The following DNAH2 variants were observed in gnomAD, a reference collection of about 807,000 sequenced individuals.
DNAH2 encodes the protein dynein axonemal heavy chain 2.
Under a neutral mutation model 523.5 loss-of-function variants are expected in DNAH2, and 323 were observed. The ratio of observed to expected loss-of-function variants is 0.62; its 90% confidence interval spans 0.56 to 0.68. The LOEUF (loss-of-function observed/expected upper bound fraction) is 0.68. Ranked by LOEUF, DNAH2 falls within the 30% of genes least tolerant of loss-of-function variation. The pLI is 0.00. For synonymous variants in DNAH2, 2,093 were observed against 2,177.4 expected, an observed-to-expected ratio of 0.96 and a Z score of 1.08; for missense variants, 4,907 against 5,701.5, an observed-to-expected ratio of 0.86 and a Z score of 4.49.
At position 7,778,422 on chromosome 17, in the gene DNAH2, G is replaced by A; in HGVS notation, c.5494G>A (p.Gly1832Ser). The part of the protein sequence containing the change: ...IYVIVVNCSE[G>S]LDYKSMGRMY... ...TGTCATTGTGGTCAACTGCTCTGAG[G>A]GCCTGGACTACAAGTCCATGGGCCG... is the stretch of plus-strand genomic sequence containing the variant. Residue 1832 changes from glycine to serine, a missense_variant, in exon 35 of 86, where the codon GGC (glycine) becomes AGC (serine). By Grantham distance (56) the Gly-to-Ser change is moderately conservative. This residue lies in a region of DNAH2 where 2,806 missense variants were observed against 3,190.8 expected (regional missense o/e 0.88). Coordinates refer to ENST00000572933, the MANE Select transcript of DNAH2 (RefSeq NM_020877.5). The A allele has an allele frequency of 1.2e-6, 2 of 1,614,190 alleles. No individual in the cohort carries two copies. The highest frequency in any genetic ancestry group is 8.5e-7 in the Non-Finnish European group (1 of 1,180,036).
At chr17:7,775,730 A>C (rs11653849) in intron 30 of DNAH2, among the ~76,000 whole-genome samples, 122,548 of 148,434 alleles carry the variant, frequency 0.83, 52,333 homozygotes, top group Non-Finnish European at 0.94. Flanking sequence ...AGAAAGTTCA[A>C]CTGGCTCCAT....
Position 7,780,240 on chromosome 17 carries a change from A to C in DNAH2, c.5806A>C (p.Ile1936Leu), listed in dbSNP as rs1488180780. 1 of 1,614,130 alleles carries C rather than the reference A, an allele frequency of 6.2e-7. No homozygotes were observed. Among genetic ancestry groups the C allele is most frequent in the Admixed American group, 1.7e-5 (1 of 60,004 alleles). ...IAMVVPDSTL[I>L]AEIILFGEGF... is the part of the protein sequence containing the mutation. ...CATGGTGGTGCCTGACTCCACCCTCATTGCAGAAATCATTCTCTTTGGAGA... is the reference window on the plus strand; with the variant it reads ...CATGGTGGTGCCTGACTCCACCCTCCTTGCAGAAATCATTCTCTTTGGAGA... The change falls in exon 37 of 86, where the codon ATT becomes CTT. Residue 1936 changes from isoleucine (I) to leucine (L), a missense_variant. By Grantham distance (5) the Ile-to-Leu change is conservative. Transcript: ENST00000572933. The surrounding 1 kb of genome is among the most constrained non-coding windows in gnomAD (Gnocchi z 4.4).
In DNAH2 at chr17:7,819,365, C is replaced by T. The variant is rs1291955297; in HGVS notation, c.10972C>T (p.Arg3658Cys). The change falls in exon 72 of 86, where the codon CGC becomes TGC. Residue 3658 changes from arginine to cysteine, a missense_variant. Transcript: ENST00000572933. ...KSHRSNKLED[R>C]IDYLNDYHTY... ...CCACCGCAGCAATAAGCTGGAGGAC[C>T]GCATTGACTACCTGAATGACTACCA... is the stretch of plus-strand genomic sequence containing the variant. 6.2e-6 allele frequency: 10 copies of T among 1,614,134 alleles called. No homozygotes were observed. Among genetic ancestry groups the T allele is most frequent in the Middle Eastern group, 1.6e-4 (1 of 6,084 alleles).
At chr17:7,829,172 G>A (rs958030683) in intron 77 of DNAH2, among the ~76,000 whole-genome samples, 3 of 152,012 alleles carry the variant, frequency 2.0e-5, no homozygotes, top group Admixed American at 1.3e-4. Flanking sequence ...GTGTCACCAC[G>A]CCTGGCTAAT....
Position 7,739,882 on chromosome 17 carries a change from C to G in DNAH2, c.1320C>G (p.Ala440=). Reference sequence around the variant, plus strand: ...ATAAAAATCTGCACACGCTGCGAGCCGTTCGCGGGGGTATCCTGGATGTCA... The same window carrying G: ...ATAAAAATCTGCACACGCTGCGAGCGGTTCGCGGGGGTATCCTGGATGTCA... ...IFHKNLHTLR[A]VRGGILDVKN... Residue 440 remains alanine (A), a synonymous_variant, in exon 9 of 86, where the codon GCC becomes GCG. Coordinates refer to ENST00000572933, the MANE Select transcript of DNAH2 (RefSeq NM_020877.5). 2 of 1,613,958 alleles carry G rather than the reference C, an allele frequency of 1.2e-6. No homozygotes were observed. Among genetic ancestry groups the G allele is most frequent in the Non-Finnish European group, 1.7e-6 (2 of 1,179,964 alleles).
chr17:7,774,755 C>T lies in DNAH2; in HGVS notation c.4502-4C>T. ...CAAATGTCATTCATCGCTCTTCTTC[C>T]CAGGCCTCCTGGACACATTGATAGA... On this transcript the variant is annotated splice_region_variant and splice_polypyrimidine_tract_variant and intron_variant, in intron 28 of 85. Transcript: ENST00000572933. 6.2e-7 allele frequency: 1 copy of T among 1,612,260 alleles called. No individual in the cohort carries two copies. The highest frequency in any genetic ancestry group is 8.5e-7 in the Non-Finnish European group (1 of 1,178,622).
At position 7,734,307 on chromosome 17, in the gene DNAH2, A is replaced by G. The variant is rs199882698; in HGVS notation, c.739+14A>G. On this transcript the variant is annotated intron_variant, in intron 6 of 85. Transcript: ENST00000572933. ...AACGGCTAGAGAGTGAGTGGCTGGC[A>G]CTGCTAGCATCACCTGGCGATCACA... 5.8e-4 allele frequency: 939 copies of G among 1,606,506 alleles called. 4 individuals carry two copies. In the African/African-American group the frequency reaches 0.01, roughly 18 times the overall value.
rs551559878 is a variant in DNAH2, at chr17:7,766,395, C to A, written c.3589C>A (p.Arg1197=). The A allele has an allele frequency of 7.4e-6, 12 of 1,613,958 alleles. No individual in the cohort carries two copies. In the South Asian group the frequency reaches 8.8e-5, roughly 12 times the overall value. ...AGTGCGGGCCATGCTGATGGCCATG[C>A]GGGAAGAGGAAAATAGTCTCCGAGC... is the stretch of plus-strand genomic sequence containing the variant. The part of the protein sequence containing the change: ...TQVRAMLMAM[R]EEENSLRANL... Residue 1197 remains arginine (R), a synonymous_variant, in exon 22 of 86, where the codon CGG becomes AGG. Coordinates refer to ENST00000572933, the MANE Select transcript of DNAH2 (RefSeq NM_020877.5).
rs2075971475 is a variant in DNAH2 at position 7,760,370 on chromosome 17, A to G, written c.2786-370A>G. 6.6e-6 allele frequency among the ~76,000 whole-genome samples: 1 copy of G among 151,160 alleles called. No homozygotes were observed. The highest frequency in any genetic ancestry group is 6.6e-5 in the Admixed American group (1 of 15,160). ...AGTGAGACTCCATCTAAAAAAAAAA[A>G]CAAAAACAGGGGGGCCAGACTGGGG... On this transcript the variant is annotated intron_variant, in intron 17 of 85. Coordinates refer to ENST00000572933, the MANE Select transcript of DNAH2 (RefSeq NM_020877.5). This position sits in a 1 kb window ranked among gnomAD's most constrained non-coding sequence, Gnocchi z 4.0.
In DNAH2 at chr17:7,760,237, G is replaced by A. The variant is rs1381115969; in HGVS notation, c.2785+299G>A. Among the ~76,000 whole-genome samples the A allele has an allele frequency of 4.6e-5, 7 of 152,122 alleles. No individual in the cohort carries two copies. Among genetic ancestry groups the A allele is most frequent in the Middle Eastern group, 3.2e-3 (1 of 316 alleles). ...CCAAAAATTAGCCAGGCATGGTGGC[G>A]GGTGCCTATAATCCCAACTACTCAG... On this transcript the variant is annotated intron_variant, in intron 17 of 85. Coordinates refer to ENST00000572933, the MANE Select transcript of DNAH2 (RefSeq NM_020877.5). The surrounding 1 kb of genome is among the most constrained non-coding windows in gnomAD (Gnocchi z 4.0).
chr17:7,817,719 C>T lies in DNAH2; in HGVS notation c.10169+10C>T. ...TCACCCGAGGCAACAGGTGAGGGTGCTGCTGGGCGTGGGGGCGGTACGGGA... is the reference window on the plus strand; with the variant it reads ...TCACCCGAGGCAACAGGTGAGGGTGTTGCTGGGCGTGGGGGCGGTACGGGA... On this transcript the variant is annotated intron_variant, in intron 66 of 85. Coordinates refer to ENST00000572933, the MANE Select transcript of DNAH2 (RefSeq NM_020877.5). 6 of 1,614,174 alleles carry T rather than the reference C, an allele frequency of 3.7e-6. No individual in the cohort carries two copies. The highest frequency in any genetic ancestry group is 5.1e-6 in the Non-Finnish European group (6 of 1,180,014).
Position 7,799,207 on chromosome 17 carries a change from C to G in DNAH2, c.8664C>G (p.Ile2888Met). The G allele has an allele frequency of 6.2e-7, 1 of 1,614,242 alleles. No homozygotes were observed. Among genetic ancestry groups the G allele is most frequent in the Non-Finnish European group, 8.5e-7 (1 of 1,180,032 alleles). ...AACGCGTGCAGAACAACCTGCACAT[C>G]GTGCTCTGCCTCAGCCCCATGGGGG... is the stretch of plus-strand genomic sequence containing the variant. The part of the protein sequence containing the change: ...LIERVQNNLH[I>M]VLCLSPMGDP... Residue 2888 changes from isoleucine to methionine, a missense_variant, in exon 56 of 86, where the codon ATC becomes ATG. Around this residue, in one of 3 missense-constraint regions of DNAH2, gnomAD observed 1,851 missense variants for 2,139.4 expected, o/e 0.87. Coordinates refer to ENST00000572933, the MANE Select transcript of DNAH2 (RefSeq NM_020877.5).
rs763406586 is a variant in DNAH2 at position 7,804,306 on chromosome 17, G to C, written c.9023G>C (p.Arg3008Pro). Residue 3008 changes from arginine to proline, a missense_variant, in exon 59 of 86, where the codon CGG (arginine) becomes CCG (proline). By Grantham distance (103) the Arg-to-Pro change is moderately radical. Around this residue, in one of 3 missense-constraint regions of DNAH2, gnomAD observed 1,851 missense variants for 2,139.4 expected, o/e 0.87. Coordinates refer to ENST00000572933, the MANE Select transcript of DNAH2 (RefSeq NM_020877.5). ...QELLAQANKL[R>P]TGLFKIDETR... ...CTGCTGGCCCAAGCCAATAAACTGC[G>C]GACAGGCTTGTTCAAGATCGACGAA... is the stretch of plus-strand genomic sequence containing the variant. The C allele has an allele frequency of 1.2e-6, 2 of 1,614,070 alleles. No homozygotes were observed. The highest frequency in any genetic ancestry group is 2.7e-5 in the African/African-American group (2 of 74,926).
Position 7,746,973 on chromosome 17 carries a change from G to A in DNAH2, c.1904+3831G>A, listed in dbSNP as rs183804356. ...TTGCACTCCAGCCTGGGCAACAAGA[G>A]TGAAACTTTATCTCAAAATTAAAAA... On this transcript the variant is annotated intron_variant, in intron 12 of 85. Coordinates refer to ENST00000572933, the MANE Select transcript of DNAH2 (RefSeq NM_020877.5). Among the ~76,000 whole-genome samples, 211 of 146,680 alleles carry A rather than the reference G, an allele frequency of 1.4e-3. 1 individual carries two copies. The highest frequency in any genetic ancestry group is 5.0e-3 in the African/African-American group (198 of 39,652).
In DNAH2 at chr17:7,774,911, C is replaced by A; in HGVS notation, c.4654C>A (p.Pro1552Thr). 2 of 1,614,184 alleles carry A rather than the reference C, an allele frequency of 1.2e-6. No homozygotes were observed. Among genetic ancestry groups the A allele is most frequent in the Non-Finnish European group, 1.7e-6 (2 of 1,180,036 alleles). The change falls in exon 29 of 86, where the codon CCA becomes ACA. Residue 1552 changes from proline (P) to threonine (T), a missense_variant. Pro to Thr is a conservative substitution (Grantham distance 38). Coordinates refer to ENST00000572933, the MANE Select transcript of DNAH2 (RefSeq NM_020877.5). ...GGAGATTCTGGGCCAGTCCCGAAAC[C>A]CAGAGGCTGTGCAGCCACACCTCAA... ...LLEILGQSRNPEAVQPHLKKC... is the reference protein window; with the variant it reads ...LLEILGQSRNTEAVQPHLKKC...
intron 63 of DNAH2, 137 bp from the exon 64 acceptor site, chr17:7,816,434 T>C (rs1302214813): frequency 1.3e-5 from 13 of 983,030 alleles, no homozygotes; most frequent in East Asian, 2.4e-5. Context: ...TTTTACAACA[T>C]GAGGAAACTA....
At position 7,786,273 on chromosome 17, in the gene DNAH2, A is replaced by G. The variant is rs780521794; in HGVS notation, c.6279A>G (p.Ser2093=). The G allele has an allele frequency of 3.1e-6, 5 of 1,613,918 alleles. No individual in the cohort carries two copies. The South Asian group carries it at 4.4e-5, about 14-fold the overall frequency. Residue 2093 remains serine, a synonymous_variant, in exon 40 of 86, where the codon TCA becomes TCG. Transcript: ENST00000572933. The surrounding 1 kb of genome is among the most constrained non-coding windows in gnomAD (Gnocchi z 7.5). ...GCACGGGCAGCGGCAAGACTGCCTC[A>G]TGGCGCATTCTACAGGCCTCCCTGT... ...VGCTGSGKTA[S]WRILQASLSS...
intron 18 of DNAH2, among the ~76,000 whole-genome samples, chr17:7,763,023 T>C (rs548150787): frequency 6.6e-6 from 1 of 152,110 alleles, no homozygotes; most frequent in African/African-American, 2.4e-5. Flanking sequence ...TCACCCAGGC[T>C]GGAGTGCAGT....
Position 7,792,988 on chromosome 17 carries a change from C to T in DNAH2, c.7352C>T (p.Ser2451Phe). 1 of 1,609,888 alleles carries T rather than the reference C, an allele frequency of 6.2e-7. No individual in the cohort carries two copies. Among genetic ancestry groups the T allele is most frequent in the Non-Finnish European group, 8.5e-7 (1 of 1,176,560 alleles). ...LVVNMSAQTT[S>F]NNVQSIIESR... ...TCGGTACCTTTTCACCAGACCACATCCAATAACGTGCAGAGCATCATTGAG... is the reference window on the plus strand; with the variant it reads ...TCGGTACCTTTTCACCAGACCACATTCAATAACGTGCAGAGCATCATTGAG... Residue 2451 changes from serine (S) to phenylalanine (F), a missense_variant, in exon 48 of 86, where the codon TCC becomes TTC. Around this residue, in one of 3 missense-constraint regions of DNAH2, gnomAD observed 2,806 missense variants for 3,190.8 expected, o/e 0.88. Coordinates refer to ENST00000572933, the MANE Select transcript of DNAH2 (RefSeq NM_020877.5).
Sources: gnomAD v4.1 joint callset for allele counts (sites outside exome capture counted in the v4.1 genomes callset) on GRCh38, gnomAD v4.1.1 for gene constraint, gnomAD v4.1.1 regional missense constraint, Gnocchi (gnomAD v3.1) non-coding constraint, MANE v1.5 for transcripts, NCBI Gene and HGNC (gene_info 2026-07-23, HGNC 2026-07-21) for gene names.